PCDHA9: variants seen among roughly 807,000 people sequenced by gnomAD.
PCDHA9 encodes protocadherin alpha 9, also known as protocadherin alpha-9.
In PCDHA9, 62 loss-of-function variants were observed where a neutral mutation model predicts 62.0. The observed-to-expected ratio is 1.00, with a 90% CI of 0.81 to 1.23. PCDHA9 has a LOEUF of 1.23. Ranked by LOEUF, PCDHA9 falls within the 50% of genes most tolerant of loss-of-function variation. The pLI, the probability that PCDHA9 is intolerant of heterozygous loss-of-function variation, is 0.00. For synonymous variants in PCDHA9, 557 were observed against 567.6 expected, an observed-to-expected ratio of 0.98 and a Z score of 0.27; for missense variants, 1,205 against 1,249.8, an observed-to-expected ratio of 0.96 and a Z score of 0.54.
Position 140,850,298 on chromosome 5 carries a change from G to C in PCDHA9, c.1803G>C (p.Ser601=), listed in dbSNP as rs200693140. ...VGKVRAVDAD[S]GYNAWLSYEL... is the part of the protein sequence containing the mutation. ...AGGTGCGCGCAGTGGACGCCGACTCGGGCTACAACGCGTGGCTTTCATACG... is the reference window on the plus strand; with the variant it reads ...AGGTGCGCGCAGTGGACGCCGACTCCGGCTACAACGCGTGGCTTTCATACG... Residue 601 remains serine, a synonymous_variant, in exon 1 of 4, where the codon TCG becomes TCC. Coordinates refer to ENST00000532602, the MANE Select transcript of PCDHA9 (RefSeq NM_031857.2). The C allele has an allele frequency of 4.2e-5, 67 of 1,596,354 alleles. 8 individuals are homozygous for C. Among genetic ancestry groups the C allele is most frequent in the Middle Eastern group, 3.9e-4 (2 of 5,190 alleles).
rs554450758 is a variant in PCDHA9, at chr5:140,895,787, C to T, written c.2394+44898C>T. On this transcript the variant is annotated intron_variant, in intron 1 of 3. Coordinates refer to ENST00000532602, the MANE Select transcript of PCDHA9 (RefSeq NM_031857.2). ...TTTATGGCTGCATAGTATTCAATGA[C>T]GTATATGTACAATACTGTATTGTAT... 8.5e-5 allele frequency among the ~76,000 whole-genome samples: 13 copies of T among 152,124 alleles called. No homozygotes were observed. The South Asian group carries it at 2.1e-3, about 24-fold the overall frequency.
Position 140,927,906 on chromosome 5 carries a change from C to T in PCDHA9, c.2395-51043C>T, listed in dbSNP as rs116016831. On this transcript the variant is annotated intron_variant, in intron 1 of 3. Coordinates refer to ENST00000532602, the MANE Select transcript of PCDHA9 (RefSeq NM_031857.2). ...TGACTGACGTGAACGATCATGCCCC[C>T]GAACTGGACTTCCTGACTCTTTCGA... is the stretch of plus-strand genomic sequence containing the variant. 5,195 of 1,614,178 alleles carry T rather than the reference C, an allele frequency of 3.2e-3. 26 individuals are homozygous for T. The highest frequency in any genetic ancestry group is 0.019 in the African/African-American group (1,450 of 75,038).
At chr5:140,972,660 A>T (rs868975656) in intron 1 of PCDHA9, among the ~76,000 whole-genome samples, 47 of 117,276 alleles carry the variant, frequency 4.0e-4, no homozygotes, top group Non-Finnish European at 6.8e-4. Flanking sequence ...AAGAAACCAA[A>T]TTTTTTTTTT....
At chr5:140,987,239 G>T (rs1005484275) in intron 3 of PCDHA9, among the ~76,000 whole-genome samples, 6 of 151,586 alleles carry the variant, frequency 4.0e-5, no homozygotes, top group East Asian at 1.9e-4. Flanking sequence ...AATAAATAAA[G>T]AAAGAAAGAC....
intron 1 of PCDHA9, among the ~76,000 whole-genome samples, chr5:140,970,479 G>A (rs782054417): frequency 1.3e-4 from 20 of 152,160 alleles, no homozygotes; most frequent in Admixed American, 8.5e-4. Context: ...AGGCCAGCTT[G>A]TTCATTATTA....
At chr5:140,882,675 G>A in intron 1 of PCDHA9, 1 of 1,614,218 alleles carries the variant, frequency 6.2e-7, no homozygotes, top group Non-Finnish European at 8.5e-7. Context: ...TTCCCTGAAA[G>A]CAAGAAACGA....
intron 1 of PCDHA9, among the ~76,000 whole-genome samples, chr5:140,895,581 TTAGA>T (rs1442561424): frequency 6.6e-6 from 1 of 152,216 alleles, no homozygotes; most frequent in Non-Finnish European, 1.5e-5. Flanking sequence ...AATTACTTTA[TTAGA>T]TATATAATTT....
At chr5:140,914,596 C>G (rs1454753124) in intron 1 of PCDHA9, among the ~76,000 whole-genome samples, 1 of 152,128 alleles carries the variant, frequency 6.6e-6, no homozygotes, top group Non-Finnish European at 1.5e-5. Context: ...TAAGTAGGAA[C>G]TTCCTCCTGC....
rs539246204 is a variant in PCDHA9 at position 140,883,140 on chromosome 5, A to G, written c.2394+32251A>G. On this transcript the variant is annotated intron_variant, in intron 1 of 3. Coordinates refer to ENST00000532602, the MANE Select transcript of PCDHA9 (RefSeq NM_031857.2). The stretch of plus-strand genomic sequence containing the variant: ...AGGCCTGTATGGCCTGCAGTGGTAT[A>G]TGCATTTACCATAAATCCGAACAAT... 9 of 1,614,118 alleles carry G rather than the reference A, an allele frequency of 5.6e-6. No individual in the cohort carries two copies. The South Asian group carries it at 9.9e-5, about 18-fold the overall frequency.
intron 3 of PCDHA9, 22 bp downstream of exon 3, chr5:140,982,585 ATTCT>A: frequency 6.2e-7 from 1 of 1,611,974 alleles, no homozygotes; most frequent in Non-Finnish European, 8.5e-7. Flanking sequence ...GGGTCTCTCC[ATTCT>A]TTCTTGGTTT....
Position 140,876,962 on chromosome 5 carries a change from G to T in PCDHA9, c.2394+26073G>T, listed in dbSNP as rs375871457. 15 of 1,612,908 alleles carry T rather than the reference G, an allele frequency of 9.3e-6. No homozygotes were observed. The African/African-American group carries it at 1.6e-4, about 17-fold the overall frequency. ...CTGGTGTCCTACTCGCTGGTGGAGCGGCGGGTGGGCGAGCACGCACTGTCG... is the reference window on the plus strand; with the variant it reads ...CTGGTGTCCTACTCGCTGGTGGAGCTGCGGGTGGGCGAGCACGCACTGTCG... On this transcript the variant is annotated intron_variant, in intron 1 of 3. Coordinates refer to ENST00000532602, the MANE Select transcript of PCDHA9 (RefSeq NM_031857.2).
At chr5:140,881,729 A>G (rs2058810929) in intron 1 of PCDHA9, among the ~76,000 whole-genome samples, 1 of 152,206 alleles carries the variant, frequency 6.6e-6, no homozygotes. Flanking sequence ...CTTGAAAAAT[A>G]TTACAGGAAG....
chr5:140,929,713 G>A (rs1328262633), intron 1 of PCDHA9: 3 of 235,294 alleles, frequency 1.3e-5, no homozygotes, highest in Non-Finnish European at 2.6e-5. Flanking sequence ...TAATATGGAA[G>A]GTGAAACATT....
At chr5:140,933,988 G>C (rs1156532752) in intron 1 of PCDHA9, among the ~76,000 whole-genome samples, 1 of 151,832 alleles carries the variant, frequency 6.6e-6, no homozygotes, top group Non-Finnish European at 1.5e-5. Context: ...CCTGGTGTTA[G>C]TGTCACCTCT....
At chr5:140,961,271 AC>A (rs1460316643) in intron 1 of PCDHA9, among the ~76,000 whole-genome samples, 1 of 152,208 alleles carries the variant, frequency 6.6e-6, no homozygotes, top group Non-Finnish European at 1.5e-5. Context: ...GCTTCTTTTT[AC>A]CATGGCTCTG....
At chr5:140,877,526 G>T (rs1554169807) in intron 1 of PCDHA9, 2 of 1,613,676 alleles carry the variant, frequency 1.2e-6, no homozygotes, top group African/African-American at 2.7e-5. Context: ...GCCTCAGTGG[G>T]CGCTGTGGAT....
chr5:140,848,925 G>T lies in PCDHA9; in HGVS notation c.430G>T (p.Glu144Ter), dbSNP rs2150425144. The part of the protein sequence containing the change: ...PATQKNLFIA[E>*]SRPLDSRFPL... ...GACACAAAAGAATCTGTTCATCGCGGAATCCAGGCCGCTTGACTCTCGGTT... is the reference window on the plus strand; with the variant it reads ...GACACAAAAGAATCTGTTCATCGCGTAATCCAGGCCGCTTGACTCTCGGTT... Residue 144 changes from glutamate (E) to a stop codon, truncating the protein, a stop_gained, in exon 1 of 4, where the codon GAA becomes TAA. Transcript: ENST00000532602. LOFTEE classifies it high-confidence loss of function. 12 of 1,607,696 alleles carry T rather than the reference G, an allele frequency of 7.5e-6. 1 individual carries two copies. The highest frequency in any genetic ancestry group is 1.0e-5 in the Non-Finnish European group (12 of 1,176,962).
At chr5:140,904,547 T>C (rs1313461939) in intron 1 of PCDHA9, among the ~76,000 whole-genome samples, 1 of 152,116 alleles carries the variant, frequency 6.6e-6, no homozygotes, top group African/African-American at 2.4e-5. Flanking sequence ...ATCTTTTTCA[T>C]ATAATGACTT....
chr5:140,970,641 T>C (rs1430565577), intron 1 of PCDHA9, among the ~76,000 whole-genome samples: 1 of 152,170 alleles, frequency 6.6e-6, no homozygotes, highest in African/African-American at 2.4e-5. Context: ...GTACCATAAA[T>C]AGTGATGAAT....
Sources: gnomAD v4.1 joint callset for allele counts (sites outside exome capture counted in the v4.1 genomes callset) on GRCh38, gnomAD v4.1.1 for gene constraint, MANE v1.5 for transcripts, NCBI Gene and HGNC (gene_info 2026-07-23, HGNC 2026-07-21) for gene names.